Variants in FBXL20 observed in about 807,000 individuals in gnomAD.
The protein encoded by FBXL20 is F-box and leucine rich repeat protein 20.
A neutral mutation model predicts 64.0 loss-of-function variants in FBXL20; 11 were observed. That is an observed-to-expected ratio of 0.17 (90% confidence interval 0.11 to 0.28). The LOEUF (loss-of-function observed/expected upper bound fraction) is 0.28, where lower values mean the gene tolerates loss of function less well. Among genes scored for constraint, FBXL20 ranks in the 10% least tolerant of loss-of-function variants. The pLI is 1.00. For synonymous variants in FBXL20, 184 were observed against 189.0 expected (o/e 0.97, Z 0.22); for missense variants, 303 against 526.2 (o/e 0.58, Z 4.15).
At chr17:39,299,176 GA>G in intron 4 of FBXL20, 92 bp from the exon 5 acceptor site, 1 of 914,432 alleles carries the variant, frequency 1.1e-6, no homozygotes, top group East Asian at 2.6e-5. Flanking sequence ...TAAACAAAGA[GA>G]AAATGCTTCT....
At chr17:39,382,171 C>T (rs533150599) in intron 1 of FBXL20, among the ~76,000 whole-genome samples, 101 of 151,082 alleles carry the variant, frequency 6.7e-4, no homozygotes, top group African/African-American at 2.4e-3. Flanking sequence ...TGGCTTGGCG[C>T]GGTGGCTCAC....
chr17:39,340,618 T>C (rs8064372), intron 2 of FBXL20, among the ~76,000 whole-genome samples: 7,912 of 152,176 alleles, frequency 0.052, 664 homozygotes, highest in African/African-American at 0.18. Flanking sequence ...AAAGCTGGAG[T>C]ATAAATTCTC....
chr17:39,316,538 A>G (rs367870647), intron 2 of FBXL20, among the ~76,000 whole-genome samples: 1 of 152,318 alleles, frequency 6.6e-6, no homozygotes, highest in African/African-American at 2.4e-5. Context: ...GGACACGTCA[A>G]AAAGTCATGG....
intron 9 of FBXL20, among the ~76,000 whole-genome samples, chr17:39,278,548 C>CT (rs61642275): frequency 0.64 from 82,478 of 128,172 alleles, 28,065 homozygotes; most frequent in South Asian, 0.89. Context: ...ACATTCCAGT[C>CT]TTTTTTTTTT....
At chr17:39,401,906 T>A (rs1463007611), upstream of FBXL20, 4 of 409,826 alleles carry the variant, frequency 9.8e-6, no homozygotes, top group Non-Finnish European at 1.6e-5. Flanking sequence ...CCTGTGCGTG[T>A]GGAAAAGGGG....
chr17:39,294,094 T>C (rs1350622574), intron 6 of FBXL20, among the ~76,000 whole-genome samples: 2 of 152,074 alleles, frequency 1.3e-5, no homozygotes, highest in African/African-American at 4.8e-5. Context: ...TCTAGTTGTT[T>C]ACAGCAGGAG....
At chr17:39,379,957 T>C (rs2048006485) in intron 1 of FBXL20, among the ~76,000 whole-genome samples, 1 of 152,000 alleles carries the variant, frequency 6.6e-6, no homozygotes, top group African/African-American at 2.4e-5. Flanking sequence ...CCAGCCTGAG[T>C]TGACAGAGTG....
chr17:39,318,417 T>G (rs1366760732), intron 2 of FBXL20, among the ~76,000 whole-genome samples: 2 of 152,122 alleles, frequency 1.3e-5, no homozygotes, highest in African/African-American at 4.8e-5. Flanking sequence ...GCCACTAAAT[T>G]TTCTGTTACG....
intron 2 of FBXL20, among the ~76,000 whole-genome samples, chr17:39,329,533 C>T (rs2047440701): frequency 6.6e-6 from 1 of 152,006 alleles, no homozygotes; most frequent in African/African-American, 2.4e-5. Context: ...CAGTACTGTG[C>T]CAATGCTCGT....
intron 7 of FBXL20, among the ~76,000 whole-genome samples, chr17:39,284,899 C>T (rs1054568788): frequency 2.6e-5 from 4 of 151,718 alleles, no homozygotes; most frequent in African/African-American, 9.7e-5. Context: ...CTCCAGATAC[C>T]TGTTTTAAGC....
intron 2 of FBXL20, among the ~76,000 whole-genome samples, chr17:39,329,143 C>T (rs768811299): frequency 1.3e-5 from 2 of 152,092 alleles, no homozygotes; most frequent in Non-Finnish European, 2.9e-5. Flanking sequence ...ACGAAAAAAT[C>T]TGGCAGATAC....
At chr17:39,388,211 C>A (rs985767989) in intron 1 of FBXL20, among the ~76,000 whole-genome samples, 9 of 152,026 alleles carry the variant, frequency 5.9e-5, no homozygotes, top group African/African-American at 2.2e-4. Context: ...AATCCCAGCA[C>A]TTTGGGAGAC....
chr17:39,371,082 G>A (rs927878618), intron 1 of FBXL20, among the ~76,000 whole-genome samples: 1 of 152,052 alleles, frequency 6.6e-6, no homozygotes, highest in African/African-American at 2.4e-5. Context: ...GCCGGGCGTG[G>A]TGGCACATGC....
At chr17:39,398,159 G>A (rs1460251580) in intron 1 of FBXL20, among the ~76,000 whole-genome samples, 1 of 151,312 alleles carries the variant, frequency 6.6e-6, no homozygotes, top group Non-Finnish European at 1.5e-5. Context: ...GCAGGCGCCT[G>A]TAATCCCAGC....
intron 1 of FBXL20, among the ~76,000 whole-genome samples, chr17:39,369,598 G>A (rs1041051180): frequency 7.9e-5 from 12 of 151,916 alleles, no homozygotes; most frequent in African/African-American, 2.7e-4. Flanking sequence ...TGATCCACCC[G>A]GCTTGGCCTC....
intron 1 of FBXL20, among the ~76,000 whole-genome samples, chr17:39,396,037 T>C (rs945106929): frequency 6.0e-5 from 9 of 149,192 alleles, no homozygotes; most frequent in Admixed American, 3.3e-4. Flanking sequence ...ATTCATTTGT[T>C]TTAGTAGGTG....
chr17:39,329,889 T>A (rs1386319042), intron 2 of FBXL20, among the ~76,000 whole-genome samples: 1 of 152,094 alleles, frequency 6.6e-6, no homozygotes, highest in African/African-American at 2.4e-5. Context: ...CCCTAGCTAC[T>A]AGGCTGGAAT....
intron 14 of FBXL20, among the ~76,000 whole-genome samples, chr17:39,262,704 A>C (rs1018473826): frequency 1.3e-5 from 2 of 151,816 alleles, no homozygotes; most frequent in African/African-American, 4.8e-5. Flanking sequence ...CAGCTTTTTA[A>C]AACTTCTTTT....
intron 1 of FBXL20, among the ~76,000 whole-genome samples, chr17:39,356,975 A>G (rs1188965058): frequency 1.3e-5 from 2 of 149,432 alleles, no homozygotes; most frequent in East Asian, 4.2e-4. Flanking sequence ...CATTTGAAAT[A>G]GTCTTTAAAG....
Sources: gnomAD v4.1 joint callset for allele counts (sites outside exome capture counted in the v4.1 genomes callset) on GRCh38, gnomAD v4.1.1 for gene constraint, MANE v1.5 for transcripts, NCBI Gene and HGNC (gene_info 2026-07-23, HGNC 2026-07-21) for gene names.